TSGA10: variants seen among roughly 807,000 people sequenced by gnomAD.
TSGA10 encodes the protein testis-specific gene 10 protein.
A neutral mutation model predicts 96.6 loss-of-function variants in TSGA10; 43 were observed. The ratio of observed to expected loss-of-function variants is 0.44; its 90% CI spans 0.35 to 0.57. The LOEUF is 0.57. Among genes scored for constraint, TSGA10 ranks in the 20% least tolerant of loss-of-function variants. The probability of loss-of-function intolerance (pLI) is 0.01; values close to 1 mark genes in which losing one functional copy is unlikely to be tolerated. For missense variants in TSGA10, 703 were observed against 834.4 expected, an observed-to-expected ratio of 0.84 and a Z score of 1.94; for synonymous variants, 229 against 269.9, an observed-to-expected ratio of 0.85 and a Z score of 1.48.
chr2:99,121,328 T>C (rs541290643), intron 2 of TSGA10, among the ~76,000 whole-genome samples: 1 of 127,006 alleles, frequency 7.9e-6, no homozygotes, highest in African/African-American at 2.9e-5. Context: ...TGCCAGCATT[T>C]GGTATTGTCA....
At chr2:99,110,942 ATTATTTCTATT>A in intron 4 of TSGA10, 27 bp from the exon 5 acceptor site, 17 of 533,506 alleles carry the variant, frequency 3.2e-5, no homozygotes, top group Non-Finnish European at 4.1e-5. Flanking sequence ...AAAAAAAAAA[ATTATTTCTATT>A]AAAGATGTTT....
At chr2:99,140,588 C>T (rs1260091421) in intron 1 of TSGA10, among the ~76,000 whole-genome samples, 1 of 152,088 alleles carries the variant, frequency 6.6e-6, no homozygotes, top group Non-Finnish European at 1.5e-5. Flanking sequence ...CAACAAAAGC[C>T]AGCTTTCCCT....
chr2:99,060,633 A>G (rs1285355997), intron 16 of TSGA10, among the ~76,000 whole-genome samples: 2 of 152,176 alleles, frequency 1.3e-5, no homozygotes, highest in African/African-American at 4.8e-5. Context: ...GACCCATAGT[A>G]GCCAAACATT....
At chr2:99,117,469 C>CT in intron 4 of TSGA10, 75 bp downstream of exon 4, 1 of 691,818 alleles carries the variant, frequency 1.4e-6, no homozygotes, top group Non-Finnish European at 1.8e-6. Flanking sequence ...GAGAATGCTA[C>CT]TTTTTCCATT....
chr2:99,109,137 C>T (rs2091606841), intron 6 of TSGA10, 146 bp from the exon 7 acceptor site: 1 of 752,438 alleles, frequency 1.3e-6, no homozygotes, highest in Admixed American at 3.3e-5. Flanking sequence ...AAAACCACAT[C>T]TTTTTAAAAC....
At chr2:99,085,996 A>G (rs1424955122) in intron 10 of TSGA10, among the ~76,000 whole-genome samples, 1 of 152,248 alleles carries the variant, frequency 6.6e-6, no homozygotes, top group Non-Finnish European at 1.5e-5. Flanking sequence ...AATAGACCAC[A>G]GATATATGGT....
At position 99,046,316 on chromosome 2, in the gene TSGA10, G is replaced by C. The variant is rs550115158; in HGVS notation, c.1405-10877C>G. The stretch of plus-strand genomic sequence containing the variant: ...CACTTATTCCAAAATTGACCACATA[G>C]TTGGAAGTAAAGCACTCCTTAGCAA... On this transcript the variant is annotated intron_variant, in intron 16 of 20. Transcript: ENST00000393483. Among the ~76,000 whole-genome samples the C allele has an allele frequency of 3.0e-4, 46 of 152,190 alleles. No homozygotes were observed. The East Asian group carries it at 6.4e-3, about 21-fold the overall frequency.
chr2:99,074,039 T>C (rs1300922346), intron 12 of TSGA10, among the ~76,000 whole-genome samples: 2 of 115,646 alleles, frequency 1.7e-5, no homozygotes, highest in African/African-American at 3.5e-5. Flanking sequence ...TGAGATGGAG[T>C]TTTGCTCTTG....
intron 1 of TSGA10, chr2:99,151,235 G>T: frequency 6.4e-6 from 1 of 155,274 alleles, no homozygotes; most frequent in Non-Finnish European, 1.4e-5. Context: ...GCCAAGGCGG[G>T]TCAATCACCT....
intron 1 of TSGA10, among the ~76,000 whole-genome samples, chr2:99,143,984 T>C (rs2093604699): frequency 6.6e-6 from 1 of 152,112 alleles, no homozygotes; most frequent in African/African-American, 2.4e-5. Context: ...TTAAGCCACT[T>C]GATCTTGTTC....
chr2:99,141,485 G>C (rs1455545659), intron 1 of TSGA10: 1 of 158,374 alleles, frequency 6.3e-6, no homozygotes, highest in Non-Finnish European at 1.4e-5. Context: ...CCTACGCACG[G>C]AGCGACGCGT....
At chr2:99,046,405 A>G (rs2082778916) in intron 16 of TSGA10, among the ~76,000 whole-genome samples, 1 of 152,226 alleles carries the variant, frequency 6.6e-6, no homozygotes, top group African/African-American at 2.4e-5. Context: ...ACTAAAACTC[A>G]GGATGAAGAA....
intron 1 of TSGA10, among the ~76,000 whole-genome samples, chr2:99,127,914 AC>A (rs1186263928): frequency 6.6e-6 from 1 of 152,254 alleles, no homozygotes; most frequent in Non-Finnish European, 1.5e-5. Context: ...ATATATATGT[AC>A]ACTTATGCAA....
At chr2:99,130,957 C>T (rs1412990139) in intron 1 of TSGA10, among the ~76,000 whole-genome samples, 1 of 151,974 alleles carries the variant, frequency 6.6e-6, no homozygotes, top group Non-Finnish European at 1.5e-5. Flanking sequence ...GTTTCTGAGG[C>T]CTCTGTTCTG....
chr2:99,094,066 T>C (rs2089701705), intron 10 of TSGA10, among the ~76,000 whole-genome samples: 1 of 152,136 alleles, frequency 6.6e-6, no homozygotes, highest in Admixed American at 6.5e-5. Flanking sequence ...CTTAGACGAA[T>C]GCAACAGAAT....
At chr2:99,074,042 T>C (rs1404656372) in intron 12 of TSGA10, among the ~76,000 whole-genome samples, 1 of 137,274 alleles carries the variant, frequency 7.3e-6, no homozygotes, top group Non-Finnish European at 1.6e-5. Flanking sequence ...GATGGAGTTT[T>C]GCTCTTGATG....
At chr2:99,141,142 C>A in intron 1 of TSGA10, 1 of 1,273,014 alleles carries the variant, frequency 7.9e-7, no homozygotes, top group Non-Finnish European at 1.0e-6. Context: ...GAGCTCATCC[C>A]CGCGACTGTC....
In TSGA10 at chr2:99,120,131, G is replaced by T. The variant is rs887144267; in HGVS notation, c.-491-1445C>A. Among the ~76,000 whole-genome samples the T allele has an allele frequency of 9.3e-4, 142 of 151,972 alleles. 1 individual carries two copies. The highest frequency in any genetic ancestry group is 3.4e-3 in the African/African-American group (140 of 41,362). On this transcript the variant is annotated intron_variant, in intron 2 of 20. Transcript: ENST00000393483. ...TAGATTCTAAACAACTTAAAAGACT[G>T]TATTGTCTCATTTCTGTATCAACAC... is the stretch of plus-strand genomic sequence containing the variant.
intron 16 of TSGA10, among the ~76,000 whole-genome samples, chr2:99,061,620 C>G (rs1355760723): frequency 6.6e-6 from 1 of 152,038 alleles, no homozygotes; most frequent in Non-Finnish European, 1.5e-5. Flanking sequence ...ACCATATAAT[C>G]CAGCAATTCC....
Sources: allele counts gnomAD v4.1 joint callset (sites outside exome capture counted in the v4.1 genomes callset), GRCh38; gene constraint gnomAD v4.1.1; transcripts MANE v1.5; gene names NCBI Gene and HGNC (gene_info 2026-07-23, HGNC 2026-07-21).